PPA2: variants seen among roughly 807,000 people sequenced by gnomAD.
PPA2 encodes the protein inorganic pyrophosphatase 2, mitochondrial.
A neutral mutation model predicts 49.5 loss-of-function variants in PPA2; 48 were observed. The ratio of observed to expected loss-of-function variants is 0.97; its 90% CI spans 0.77 to 1.23. PPA2 has a LOEUF of 1.23. PPA2 is among the 50% of genes most tolerant of loss of function. The probability of loss-of-function intolerance (pLI) is 0.00; values close to 1 mark genes in which losing one functional copy is unlikely to be tolerated. For synonymous variants in PPA2, 131 were observed against 139.9 expected (o/e 0.94, Z 0.45); for missense variants, 429 against 410.1 (o/e 1.05, Z -0.40).
At chr4:105,450,601 C>CT (rs575896250) in intron 3 of PPA2, among the ~76,000 whole-genome samples, 2,968 of 82,382 alleles carry the variant, frequency 0.036, 322 homozygotes, top group African/African-American at 0.063. Context: ...GTCTGGAATT[C>CT]TTTTTTTTTT....
At position 105,454,341 on chromosome 4, in the gene PPA2, T is replaced by G. The variant is rs547645337; in HGVS notation, c.223-699A>C. Reference sequence around the variant, plus strand: ...GTTGTTGTTGTTGTTGTTGTTGTTGTTTTTGAGACAGAGTCTCGCTCTGTC... The same window carrying G: ...GTTGTTGTTGTTGTTGTTGTTGTTGGTTTTGAGACAGAGTCTCGCTCTGTC... On this transcript the variant is annotated intron_variant, in intron 2 of 11. Coordinates refer to ENST00000341695, the MANE Select transcript of PPA2 (RefSeq NM_176869.3). Among the ~76,000 whole-genome samples, 13 of 145,198 alleles carry G rather than the reference T, an allele frequency of 9.0e-5. No individual in the cohort carries two copies. The South Asian group carries it at 2.6e-3, about 29-fold the overall frequency.
intron 4 of PPA2, 119 bp from the exon 5 acceptor site, chr4:105,446,621 G>A (rs898436443): frequency 8.3e-7 from 1 of 1,198,294 alleles, no homozygotes; most frequent in Admixed American, 2.8e-5. Flanking sequence ...TCAACTTAAT[G>A]ATCAAAGATG....
At chr4:105,457,926 C>T (rs151158747) in intron 1 of PPA2, among the ~76,000 whole-genome samples, 285 of 152,226 alleles carry the variant, frequency 1.9e-3, no homozygotes, top group Non-Finnish European at 3.5e-3. Context: ...TGGAGAAAGG[C>T]TTGATTCTAA....
At chr4:105,453,697 C>A in intron 2 of PPA2, 55 bp from the exon 3 acceptor site, 1 of 1,302,812 alleles carries the variant, frequency 7.7e-7, no homozygotes, top group East Asian at 2.3e-5. Context: ...TATACAGTGG[C>A]ACTGCATAGC....
At chr4:105,437,309 G>A (rs948869523) in intron 6 of PPA2, among the ~76,000 whole-genome samples, 1 of 152,066 alleles carries the variant, frequency 6.6e-6, no homozygotes, top group Admixed American at 6.6e-5. Flanking sequence ...TGAGAAAAAA[G>A]GGAGAAGAGT....
chr4:105,447,281 A>T (rs1257160519), intron 4 of PPA2, among the ~76,000 whole-genome samples: 1 of 152,206 alleles, frequency 6.6e-6, no homozygotes, highest in Admixed American at 6.5e-5. Context: ...AAGTGAAATA[A>T]GCCAGGCACA....
At chr4:105,414,157 G>C (rs1426449699) in intron 7 of PPA2, among the ~76,000 whole-genome samples, 2 of 152,200 alleles carry the variant, frequency 1.3e-5, no homozygotes, top group Non-Finnish European at 2.9e-5. Context: ...CATCTTTTAT[G>C]TATCAGATTG....
Position 105,399,351 on chromosome 4 carries a change from A to G in PPA2, c.656-187T>C. 9 of 522,982 alleles carry G rather than the reference A, an allele frequency of 1.7e-5. No individual in the cohort carries two copies. The South Asian group carries it at 2.8e-4, about 16-fold the overall frequency. 32.4% of individuals were successfully genotyped at this position (522,982 alleles called of 1,614,324 possible). ...CACCTTCAGACTTTTGTGTTTTCATATGTATAATACTATTCCTGCACTCTA... is the reference window on the plus strand; with the variant it reads ...CACCTTCAGACTTTTGTGTTTTCATGTGTATAATACTATTCCTGCACTCTA... On this transcript the variant is annotated intron_variant, in intron 7 of 11. Transcript: ENST00000341695.
chr4:105,450,829 G>C (rs1452921967), intron 3 of PPA2, among the ~76,000 whole-genome samples: 2 of 151,870 alleles, frequency 1.3e-5, no homozygotes, highest in Non-Finnish European at 2.9e-5. Context: ...GGATGGTCTC[G>C]ATCTCCTGAC....
At chr4:105,440,542 T>C (rs1318797699) in intron 5 of PPA2, among the ~76,000 whole-genome samples, 1 of 152,180 alleles carries the variant, frequency 6.6e-6, no homozygotes, top group Non-Finnish European at 1.5e-5. Context: ...ATTACAAGCG[T>C]GAGCCACTGC....
chr4:105,399,233 T>A, intron 7 of PPA2, 69 bp from the exon 8 acceptor site: 1 of 1,475,200 alleles, frequency 6.8e-7, no homozygotes, highest in Non-Finnish European at 9.1e-7. Flanking sequence ...GGCAGAGCAT[T>A]GGACTGAGGG....
chr4:105,405,748 T>A, intron 7 of PPA2: 1 of 658,614 alleles, frequency 1.5e-6, no homozygotes, highest in Non-Finnish European at 2.3e-6. Context: ...CAGATTAACA[T>A]CAAAAAGACT....
At chr4:105,424,904 A>G (rs879118210) in intron 6 of PPA2, among the ~76,000 whole-genome samples, 2 of 152,248 alleles carry the variant, frequency 1.3e-5, no homozygotes, top group Non-Finnish European at 2.9e-5. Context: ...ATGAGACTTT[A>G]TAAGTCAAGG....
intron 7 of PPA2, among the ~76,000 whole-genome samples, chr4:105,417,968 C>G (rs1723086768): frequency 6.6e-6 from 1 of 152,136 alleles, no homozygotes; most frequent in Non-Finnish European, 1.5e-5. Flanking sequence ...ACTAACCATG[C>G]CCCATGCCCC....
chr4:105,453,465 A>G, intron 3 of PPA2, 133 bp downstream of exon 3: 2 of 601,616 alleles, frequency 3.3e-6, no homozygotes, highest in South Asian at 3.9e-5. Flanking sequence ...GCCTTAAAGA[A>G]AAACATCGGA....
intron 1 of PPA2, among the ~76,000 whole-genome samples, chr4:105,468,299 G>A (rs1363402637): frequency 6.6e-6 from 1 of 152,142 alleles, no homozygotes; most frequent in East Asian, 1.9e-4. Context: ...ATTGAGCCCT[G>A]GGCATTTCAA....
intron 7 of PPA2, among the ~76,000 whole-genome samples, chr4:105,409,190 A>T (rs183508882): frequency 7.9e-5 from 12 of 152,288 alleles, no homozygotes; most frequent in African/African-American, 2.9e-4. Context: ...ACTGTACACT[A>T]CCACCCAAAT....
chr4:105,403,961 CAT>C (rs1366447078), intron 7 of PPA2, among the ~76,000 whole-genome samples: 1 of 151,346 alleles, frequency 6.6e-6, no homozygotes, highest in African/African-American at 2.4e-5. Context: ...TTTCTAATCA[CAT>C]GAGTTTGCCA....
intron 11 of PPA2, 135 bp from the exon 12 acceptor site, chr4:105,369,888 C>T: frequency 1.3e-6 from 1 of 799,814 alleles, no homozygotes; most frequent in Non-Finnish European, 2.1e-6. Flanking sequence ...TCTAAAGTTG[C>T]ATTTCTCTAT....
Sources: gnomAD v4.1 joint callset for allele counts (sites outside exome capture counted in the v4.1 genomes callset) on GRCh38, gnomAD v4.1.1 for gene constraint, MANE v1.5 for transcripts, NCBI Gene and HGNC (gene_info 2026-07-23, HGNC 2026-07-21) for gene names.